OR56A3: variants seen among roughly 807,000 people sequenced by gnomAD.
The protein encoded by OR56A3 is olfactory receptor family 56 subfamily A member 3.
Under a neutral mutation model 17.5 loss-of-function variants are expected in OR56A3, and 23 were observed. The ratio of observed to expected loss-of-function variants is 1.32; its 90% confidence interval spans 0.95 to 1.87. The LOEUF (loss-of-function observed/expected upper bound fraction) is 1.87. Among genes scored for constraint, OR56A3 ranks in the 40% most tolerant of loss-of-function variants. The pLI, the probability that OR56A3 is intolerant of heterozygous loss-of-function variation, is 0.00. For missense variants in OR56A3, 366 were observed against 380.1 expected (o/e 0.96, Z 0.31); for synonymous variants, 175 against 150.6 (o/e 1.16, Z -1.19).
At chr11:5,956,073 A>G (rs1427718790), downstream of OR56A3, among the ~76,000 whole-genome samples, 1 of 152,214 alleles carries the variant, frequency 6.6e-6, no homozygotes. Flanking sequence ...AGGTATTTCC[A>G]TTTACACAAT....
rs1847877976 is a variant in OR56A3 at position 5,947,521 on chromosome 11, C to A, written c.175C>A (p.Leu59Met). 6.2e-7 allele frequency: 1 copy of A among 1,613,904 alleles called. No individual in the cohort carries two copies. The highest frequency in any genetic ancestry group is 1.7e-5 in the Admixed American group (1 of 60,004). The change falls in exon 3 of 3, where the codon CTG becomes ATG. Residue 59 changes from leucine (L) to methionine (M), a missense_variant. Coordinates refer to ENST00000641160, the MANE Select transcript of OR56A3 (RefSeq NM_001003443.3). ...GATGACCATCTGGCTGGAGGCCTCT[C>A]TGCACCAGCCCCTGTACTACCTGCT... ...LLMTIWLEASLHQPLYYLLSL... is the reference protein window; with the variant it reads ...LLMTIWLEASMHQPLYYLLSL...
chr11:5,992,023 A>T, the OR56A3 span, among the ~76,000 whole-genome samples: 3 of 152,170 alleles, frequency 2.0e-5, no homozygotes, highest in Admixed American at 1.3e-4. Flanking sequence ...TGTCTGTCCA[A>T]TGTTGGTCAT....
the OR56A3 span, chr11:6,002,125 G>A: frequency 6.2e-7 from 1 of 1,614,016 alleles, no homozygotes; most frequent in Non-Finnish European, 8.5e-7. Flanking sequence ...ATGGGGTTCA[G>A]AGCTGGGGGA....
chr11:5,998,123 T>C, the OR56A3 span, among the ~76,000 whole-genome samples: 2 of 152,172 alleles, frequency 1.3e-5, no homozygotes, highest in African/African-American at 2.4e-5. Flanking sequence ...GGGATGACAA[T>C]TGTGTTGCAG....
At chr11:5,943,985 G>A (rs1024372482) in intron 1 of OR56A3, among the ~76,000 whole-genome samples, 17 of 152,156 alleles carry the variant, frequency 1.1e-4, no homozygotes, top group Non-Finnish European at 2.4e-4. Flanking sequence ...GGTCTTACTG[G>A]TTTTTGTTCC....
rs1847887641 is a variant in OR56A3, at chr11:5,948,341, A to T, written c.*47A>T. On this transcript the variant is annotated 3_prime_UTR_variant, in exon 3 of 3. Coordinates refer to ENST00000641160, the MANE Select transcript of OR56A3 (RefSeq NM_001003443.3). ...ATATCTAAAATAAGATAATTTATTA[A>T]TCACTTAATGAGTGAGTGGGCTGAA... 7.5e-7 allele frequency: 1 copy of T among 1,336,304 alleles called. No homozygotes were observed. Among genetic ancestry groups the T allele is most frequent in the Non-Finnish European group, 1.1e-6 (1 of 948,172 alleles). 82.8% of individuals were successfully genotyped at this position (1,336,304 alleles called of 1,614,324 possible).
the OR56A3 span, among the ~76,000 whole-genome samples, chr11:5,998,919 T>A: frequency 2.6e-5 from 4 of 152,182 alleles, no homozygotes; most frequent in African/African-American, 9.7e-5. Flanking sequence ...GATGGGATTG[T>A]TGGTACAATT....
At chr11:5,977,233 A>G in the OR56A3 span, among the ~76,000 whole-genome samples, 2 of 152,190 alleles carry the variant, frequency 1.3e-5, no homozygotes, top group African/African-American at 4.8e-5. Context: ...TATATCCAAT[A>G]ATGGGATTTC....
At chr11:5,979,406 C>T in the OR56A3 span, among the ~76,000 whole-genome samples, 1 of 151,774 alleles carries the variant, frequency 6.6e-6, no homozygotes, top group Non-Finnish European at 1.5e-5. Context: ...GAACTCAATA[C>T]TGGTCTGTGC....
At chr11:6,009,750 C>A in the OR56A3 span, among the ~76,000 whole-genome samples, 1 of 152,064 alleles carries the variant, frequency 6.6e-6, no homozygotes. Flanking sequence ...AAAAGTTATT[C>A]TCTTTATGAT....
At chr11:6,010,850 T>TGC in the OR56A3 span, among the ~76,000 whole-genome samples, 1 of 150,582 alleles carries the variant, frequency 6.6e-6, no homozygotes, top group Non-Finnish European at 1.5e-5. Flanking sequence ...TGTGTGTGTG[T>TGC]GCACGTGAAT....
At position 5,948,234 on chromosome 11, in the gene OR56A3, CG is replaced by C; in HGVS notation, c.892del (p.Val298Ter). The C allele has an allele frequency of 6.2e-7, 1 of 1,614,170 alleles. No individual in the cohort carries two copies. The highest frequency in any genetic ancestry group is 8.5e-7 in the Non-Finnish European group (1 of 1,179,990). Reference protein sequence around the residue: ...IPAALNPIIYGVRTQEIKQGM... With the variant: ...IPAALNPIIYXVRTQEIKQGM... Reference sequence around the variant, plus strand: ...CTGCAGCCCTTAACCCCATCATTTACGGGGTGAGAACCCAAGAAATTAAGCA... The same window carrying C: ...CTGCAGCCCTTAACCCCATCATTTACGGGTGAGAACCCAAGAAATTAAGCA... On this transcript the variant is annotated frameshift_variant, in exon 3 of 3. Transcript: ENST00000641160. LOFTEE classifies it high-confidence loss of function.
chr11:5,999,705 T>C, the OR56A3 span: 3 of 152,238 alleles, frequency 2.0e-5, no homozygotes, highest in African/African-American at 7.2e-5. Context: ...GAGAGATCAC[T>C]TATAAAATGT....
At chr11:5,960,917 C>G in the OR56A3 span, among the ~76,000 whole-genome samples, 1 of 151,266 alleles carries the variant, frequency 6.6e-6, no homozygotes, top group Non-Finnish European at 1.5e-5. Flanking sequence ...CGGCCGTGAC[C>G]CTGTCTGGGA....
chr11:5,998,235 G>A, the OR56A3 span, among the ~76,000 whole-genome samples: 1 of 152,112 alleles, frequency 6.6e-6, no homozygotes, highest in Non-Finnish European at 1.5e-5. Context: ...CACCTCCTCT[G>A]GCCAAGCTAT....
downstream of OR56A3, among the ~76,000 whole-genome samples, chr11:5,952,829 A>G (rs1386442868): frequency 6.6e-6 from 1 of 152,112 alleles, no homozygotes. Flanking sequence ...AGTAGTCACC[A>G]GTGTCTATTG....
the OR56A3 span, chr11:5,999,897 A>C: frequency 6.6e-6 from 1 of 152,368 alleles, no homozygotes; most frequent in Non-Finnish European, 1.5e-5. Flanking sequence ...TCCAGTCGGG[A>C]GGATCAGGGA....
the OR56A3 span, among the ~76,000 whole-genome samples, chr11:5,963,207 T>C: frequency 1.3e-5 from 2 of 152,222 alleles, no homozygotes; most frequent in African/African-American, 4.8e-5. Context: ...AATATTTTCT[T>C]CTTTGTGTTA....
the OR56A3 span, among the ~76,000 whole-genome samples, chr11:5,963,692 C>T: frequency 2.0e-5 from 3 of 152,166 alleles, no homozygotes; most frequent in East Asian, 5.8e-4. Context: ...TGTATTGAAT[C>T]TCATTGGTGA....
Sources: allele counts gnomAD v4.1 joint callset (sites outside exome capture counted in the v4.1 genomes callset), GRCh38; gene constraint gnomAD v4.1.1; transcripts MANE v1.5; gene names NCBI Gene and HGNC (gene_info 2026-07-23, HGNC 2026-07-21).